The following RBPJ variants were observed in gnomAD, a reference collection of about 807,000 sequenced individuals.
The protein encoded by RBPJ is recombining binding protein suppressor of hairless.
Under a neutral mutation model 67.8 loss-of-function variants are expected in RBPJ, and 9 were observed. That is an observed-to-expected ratio of 0.13 (90% CI 0.08 to 0.23). The LOEUF is 0.23. Ranked by LOEUF, RBPJ falls within the 10% of genes least tolerant of loss-of-function variation. The probability of loss-of-function intolerance (pLI) is 1.00; values close to 1 mark genes in which losing one functional copy is unlikely to be tolerated. For synonymous variants in RBPJ, 198 were observed against 203.3 expected, an observed-to-expected ratio of 0.97 and a Z score of 0.22; for missense variants, 305 against 595.6, an observed-to-expected ratio of 0.51 and a Z score of 5.08.
intron 3 of RBPJ, among the ~76,000 whole-genome samples, chr4:26,412,634 A>G (rs1734154469): frequency 6.6e-6 from 1 of 152,240 alleles, no homozygotes; most frequent in Admixed American, 6.5e-5. Context: ...CAAGCATTTT[A>G]GATAAGGAAT....
At chr4:26,369,711 C>T (rs906756895) in intron 1 of RBPJ, among the ~76,000 whole-genome samples, 3 of 152,036 alleles carry the variant, frequency 2.0e-5, no homozygotes, top group African/African-American at 7.2e-5. Flanking sequence ...GGACAGTTGC[C>T]CTTTTATGGT....
At chr4:26,414,934 C>G (rs144201727) in intron 3 of RBPJ, among the ~76,000 whole-genome samples, 1 of 152,062 alleles carries the variant, frequency 6.6e-6, no homozygotes, top group Non-Finnish European at 1.5e-5. Flanking sequence ...ATCAGGAGAT[C>G]CATGTATTTT....
At chr4:26,130,903 T>C in the RBPJ span, among the ~76,000 whole-genome samples, 1 of 151,420 alleles carries the variant, frequency 6.6e-6, no homozygotes, top group African/African-American at 2.4e-5. Flanking sequence ...TGTGTTAATT[T>C]AATGTGGCAG....
intron 1 of RBPJ, chr4:26,323,032 G>A (rs1488107048): frequency 6.6e-6 from 1 of 150,646 alleles, no homozygotes; most frequent in Non-Finnish European, 1.5e-5. Context: ...GTTGATAGGG[G>A]ACATACGAGA....
chr4:26,338,194 T>C (rs1211602115), intron 1 of RBPJ, among the ~76,000 whole-genome samples: 1 of 147,814 alleles, frequency 6.8e-6, no homozygotes, highest in African/African-American at 2.5e-5. Context: ...TGTTGCTCTA[T>C]TGGTAGGCTG....
At chr4:26,151,102 G>A in the RBPJ span, among the ~76,000 whole-genome samples, 4 of 152,266 alleles carry the variant, frequency 2.6e-5, no homozygotes, top group South Asian at 4.2e-4. Context: ...AGTGAAATAC[G>A]GAAATGATAC....
At chr4:26,367,140 T>G (rs1020251678) in intron 1 of RBPJ, among the ~76,000 whole-genome samples, 2 of 150,534 alleles carry the variant, frequency 1.3e-5, no homozygotes, top group Non-Finnish European at 3.0e-5. Context: ...AATAAATTAA[T>G]TAATAAAATA....
intron 1 of RBPJ, among the ~76,000 whole-genome samples, chr4:26,356,551 G>A (rs1029999271): frequency 1.2e-4 from 19 of 152,284 alleles, no homozygotes; most frequent in African/African-American, 4.3e-4. Context: ...ACATAAAAGT[G>A]TATAAATACA....
At chr4:26,149,183 T>C in the RBPJ span, among the ~76,000 whole-genome samples, 3 of 152,184 alleles carry the variant, frequency 2.0e-5, no homozygotes, top group Non-Finnish European at 2.9e-5. Flanking sequence ...TACATGACAT[T>C]GTTGAGGGCT....
At chr4:26,387,494 G>A (rs2109641187) in intron 2 of RBPJ, among the ~76,000 whole-genome samples, 1 of 152,272 alleles carries the variant, frequency 6.6e-6, no homozygotes, top group Non-Finnish European at 1.5e-5. Flanking sequence ...AATAAATGTA[G>A]AAGGACAAAA....
At chr4:26,255,685 C>G (rs1189639623) in intron 1 of RBPJ, among the ~76,000 whole-genome samples, 11 of 151,244 alleles carry the variant, frequency 7.3e-5, no homozygotes, top group Admixed American at 5.3e-4. Flanking sequence ...GCCTGTAGTC[C>G]CAGCTACGCG....
chr4:26,211,498 C>A (rs1013712594), intron 1 of RBPJ, among the ~76,000 whole-genome samples: 1 of 152,142 alleles, frequency 6.6e-6, no homozygotes, highest in Non-Finnish European at 1.5e-5. Flanking sequence ...CATAGATTCA[C>A]CTCTGTAAAT....
chr4:26,133,468 A>G, the RBPJ span, among the ~76,000 whole-genome samples: 1 of 152,164 alleles, frequency 6.6e-6, no homozygotes, highest in East Asian at 1.9e-4. Flanking sequence ...TTGCTCTACT[A>G]TTATTCACAG....
chr4:26,125,798 CA>C, the RBPJ span, among the ~76,000 whole-genome samples: 43,012 of 138,338 alleles, frequency 0.31, 6,451 homozygotes, highest in African/African-American at 0.35. Context: ...GACTCCATTT[CA>C]AAAAAAAAAA....
At chr4:26,296,106 G>A (rs2109294154) in intron 1 of RBPJ, among the ~76,000 whole-genome samples, 1 of 152,296 alleles carries the variant, frequency 6.6e-6, no homozygotes, top group South Asian at 2.1e-4. Flanking sequence ...CTTAAGTGGA[G>A]TTTAGAGGGA....
At chr4:26,337,490 T>G (rs910107985) in intron 1 of RBPJ, among the ~76,000 whole-genome samples, 3 of 151,980 alleles carry the variant, frequency 2.0e-5, no homozygotes, top group African/African-American at 7.2e-5. Context: ...CAGGTGTGGC[T>G]CCCCATGCTT....
upstream of RBPJ, among the ~76,000 whole-genome samples, chr4:26,316,420 T>C (rs964171004): frequency 5.5e-5 from 8 of 145,298 alleles, no homozygotes; most frequent in Non-Finnish European, 1.0e-4. Context: ...TACATTCATA[T>C]ATACATTCAT....
At chr4:26,377,962 C>A (rs554683864) in intron 1 of RBPJ, among the ~76,000 whole-genome samples, 1 of 152,144 alleles carries the variant, frequency 6.6e-6, no homozygotes, top group Admixed American at 6.5e-5. Flanking sequence ...CTAATAATCA[C>A]GTGTAGGGTG....
At position 26,431,264 on chromosome 4, in the gene RBPJ, TGTTG is replaced by T. The variant is rs540043701; in HGVS notation, c.*273_*276del. 6 of 358,098 alleles carry T rather than the reference TGTTG, an allele frequency of 1.7e-5. No homozygotes were observed. The highest frequency in any genetic ancestry group is 7.9e-4 in the Middle Eastern group (1 of 1,268). The allele number at this position is 358,098 out of a possible 1,614,324, so 22.2% of individuals were successfully genotyped here. ...TGGAAATCAAGTTTTTCAGCTGTTT[TGTTG>T]GTTGGTTGGTTGGTTTTTGTTTGGT... On this transcript the variant is annotated 3_prime_UTR_variant, in exon 11 of 11. Coordinates refer to ENST00000355476, the MANE Select transcript of RBPJ (RefSeq NM_015874.6).
Sources: gnomAD v4.1 joint callset for allele counts (sites outside exome capture counted in the v4.1 genomes callset) on GRCh38, gnomAD v4.1.1 for gene constraint, MANE v1.5 for transcripts, NCBI Gene and HGNC (gene_info 2026-07-23, HGNC 2026-07-21) for gene names.